The following RGS5 variants were observed in gnomAD, a reference collection of about 807,000 sequenced individuals.
RGS5 encodes regulator of G protein signaling 5.
Under a neutral mutation model 18.9 loss-of-function variants are expected in RGS5, and 20 were observed. The observed-to-expected ratio is 1.06, with a 90% CI of 0.74 to 1.54. The LOEUF is 1.54. RGS5 is among the 40% of genes most tolerant of loss of function. The probability of loss-of-function intolerance (pLI) is 0.00; values close to 1 mark genes in which losing one functional copy is unlikely to be tolerated. For missense variants in RGS5, 201 were observed against 211.8 expected, an observed-to-expected ratio of 0.95 and a Z score of 0.32; for synonymous variants, 57 against 76.2, an observed-to-expected ratio of 0.75 and a Z score of 1.31.
rs1648687966 is a variant in RGS5 at position 163,270,373 on chromosome 1, A to AC, written c.-281+35859_-281+35860insG. On this transcript the variant is annotated intron_variant, in intron 2 of 5. Transcript: ENST00000618415. ...TTGAGAAAAAAAAAAAAAAAAAAAA[A>AC]GCCAGGCCTGTTGGTGCACATCTAT... is the stretch of plus-strand genomic sequence containing the variant. Among the ~76,000 whole-genome samples, 10 of 142,070 alleles carry AC rather than the reference A, an allele frequency of 7.0e-5. No homozygotes were observed. In the South Asian group the frequency reaches 2.2e-3, roughly 31 times the overall value. The allele number at this position is 142,070 out of a possible 152,430, so 93.2% of individuals were successfully genotyped here.
intron 2 of RGS5, among the ~76,000 whole-genome samples, chr1:163,268,083 T>G (rs1182647574): frequency 3.3e-5 from 5 of 152,056 alleles, no homozygotes; most frequent in Non-Finnish European, 5.9e-5. Flanking sequence ...ACTAGATAAC[T>G]CAAACATTTT....
chr1:163,284,391 CA>C (rs1297351768), intron 2 of RGS5, among the ~76,000 whole-genome samples: 3 of 152,176 alleles, frequency 2.0e-5, no homozygotes, highest in Non-Finnish European at 2.9e-5. Context: ...AGATACTGCT[CA>C]CTTATTTAGA....
At chr1:163,202,980 C>T, upstream of RGS5, 1 of 699,668 alleles carries the variant, frequency 1.4e-6, no homozygotes, top group Non-Finnish European at 2.4e-6. Flanking sequence ...GCTCTTCCAG[C>T]CAATCCAGAG....
chr1:163,301,324 A>T (rs1649545150), intron 2 of RGS5, among the ~76,000 whole-genome samples: 1 of 144,696 alleles, frequency 6.9e-6, no homozygotes, highest in Non-Finnish European at 1.5e-5. Context: ...GAAACGGGCA[A>T]TTATCCAGAA....
chr1:163,199,693 T>C (rs925337086), intron 1 of RGS5, among the ~76,000 whole-genome samples: 1 of 152,218 alleles, frequency 6.6e-6, no homozygotes, highest in African/African-American at 2.4e-5. Context: ...TTAGAATCAC[T>C]GAGCAGGTTG....
At chr1:163,278,906 T>C (rs768348065) in intron 2 of RGS5, among the ~76,000 whole-genome samples, 2 of 152,122 alleles carry the variant, frequency 1.3e-5, no homozygotes, top group East Asian at 1.9e-4. Context: ...GCCATACTTA[T>C]ACCAGATAAA....
Position 163,270,239 on chromosome 1 carries a change from TG to T in RGS5, c.-281+35993del, listed in dbSNP as rs748012163. 2.6e-5 allele frequency among the ~76,000 whole-genome samples: 4 copies of T among 151,248 alleles called. No homozygotes were observed. The Admixed American group carries it at 2.6e-4, about 10-fold the overall frequency. ...TGAAGAGTTCATAAAGGGCTGGGCA[TG>T]GTGGCTCACACCTGTAATCCCAGCA... is the stretch of plus-strand genomic sequence containing the variant. On this transcript the variant is annotated intron_variant, in intron 2 of 5. Transcript: ENST00000618415.
intron 4 of RGS5, 21 bp downstream of exon 4, chr1:163,152,529 C>A (rs1406774423): frequency 2.5e-6 from 4 of 1,596,808 alleles, no homozygotes; most frequent in Non-Finnish European, 3.4e-6. Context: ...CCTTAACTGA[C>A]CCACCTACCC....
At chr1:163,295,473 C>A (rs72695967) in intron 2 of RGS5, among the ~76,000 whole-genome samples, 1 of 152,102 alleles carries the variant, frequency 6.6e-6, no homozygotes, top group Admixed American at 6.5e-5. Flanking sequence ...AAAGTTTATA[C>A]CCTTAAAATA....
At chr1:163,266,752 C>T (rs963088334) in intron 2 of RGS5, 2 of 152,102 alleles carry the variant, frequency 1.3e-5, no homozygotes, top group Non-Finnish European at 2.9e-5. Context: ...TGATACTTCA[C>T]TGCATTTAGC....
chr1:163,177,811 T>G (rs1658622978), intron 1 of RGS5, among the ~76,000 whole-genome samples: 1 of 152,218 alleles, frequency 6.6e-6, no homozygotes, highest in African/African-American at 2.4e-5. Context: ...TAATTTTTCC[T>G]CTTTAAAGAC....
intron 2 of RGS5, among the ~76,000 whole-genome samples, chr1:163,236,974 G>T (rs1647639274): frequency 6.9e-6 from 1 of 144,276 alleles, no homozygotes; most frequent in African/African-American, 2.5e-5. Flanking sequence ...AAAAAAAAAA[G>T]ATGGCCAATG....
chr1:163,202,753 A>T, intron 1 of RGS5, 39 bp downstream of exon 1: 1 of 1,598,180 alleles, frequency 6.3e-7, no homozygotes, highest in Non-Finnish European at 8.6e-7. Context: ...AAGATTCTCC[A>T]TATCTGCATC....
chr1:163,257,514 T>C (rs1284083272), intron 2 of RGS5, among the ~76,000 whole-genome samples: 1 of 152,206 alleles, frequency 6.6e-6, no homozygotes, highest in Non-Finnish European at 1.5e-5. Flanking sequence ...TTTTTCCCTC[T>C]ATTTCCATGT....
intron 2 of RGS5, among the ~76,000 whole-genome samples, chr1:163,253,624 T>TTTTA (rs141413287): frequency 4.0e-5 from 6 of 148,860 alleles, no homozygotes; most frequent in South Asian, 2.1e-4. Flanking sequence ...CCATTTTTCT[T>TTTTA]TTTATTTATT....
upstream of RGS5, among the ~76,000 whole-genome samples, chr1:163,220,939 T>C (rs1311799236): frequency 6.6e-6 from 1 of 152,200 alleles, no homozygotes; most frequent in East Asian, 1.9e-4. Flanking sequence ...CTCTTCTCAA[T>C]GCCTCTGAAA....
chr1:163,307,791 C>A (rs1375448574), intron 1 of RGS5, among the ~76,000 whole-genome samples: 1 of 152,176 alleles, frequency 6.6e-6, no homozygotes, highest in Non-Finnish European at 1.5e-5. Flanking sequence ...TGACCACCTT[C>A]ATTGTAACAC....
At chr1:163,165,569 G>T (rs1271424291) in intron 2 of RGS5, among the ~76,000 whole-genome samples, 1 of 152,184 alleles carries the variant, frequency 6.6e-6, no homozygotes, top group Non-Finnish European at 1.5e-5. Flanking sequence ...GAGAAGGCAG[G>T]TGGGGAATGC....
At chr1:163,305,914 G>C (rs1649685088) in intron 2 of RGS5, among the ~76,000 whole-genome samples, 1 of 152,180 alleles carries the variant, frequency 6.6e-6, no homozygotes, top group Non-Finnish European at 1.5e-5. Flanking sequence ...ACCTTCTGCT[G>C]CTGGCATATA....
Sources: allele counts gnomAD v4.1 joint callset (sites outside exome capture counted in the v4.1 genomes callset), GRCh38; gene constraint gnomAD v4.1.1; transcripts MANE v1.5; gene names NCBI Gene and HGNC (gene_info 2026-07-23, HGNC 2026-07-21).